The following MAPK15 variants were observed in gnomAD, a reference collection of about 807,000 sequenced individuals.
The protein encoded by MAPK15 is mitogen-activated protein kinase 15.
A neutral mutation model predicts 60.8 loss-of-function variants in MAPK15; 61 were observed. That is an observed-to-expected ratio of 1.00 (90% confidence interval 0.82 to 1.24). The LOEUF is 1.24. Ranked by LOEUF, MAPK15 falls within the 50% of genes most tolerant of loss-of-function variation. The pLI is 0.00. For missense variants in MAPK15, 808 were observed against 741.1 expected, an observed-to-expected ratio of 1.09 and a Z score of -1.05; for synonymous variants, 356 against 319.9, an observed-to-expected ratio of 1.11 and a Z score of -1.21.
rs200370966 is a variant in MAPK15 at position 143,721,846 on chromosome 8, G to A, written c.1424G>A (p.Arg475Gln). The change falls in exon 13 of 14, where the codon CGG becomes CAG. Residue 475 changes from arginine (R) to glutamine (Q), a missense_variant. Coordinates refer to ENST00000338033, the MANE Select transcript of MAPK15 (RefSeq NM_139021.3). ...NQALIRGDWN[R>Q]GGGVRVASVQ... ...GCCCTGATCCGGGGTGACTGGAACC[G>A]GGGCGGTGGGGTGAGGGTGGCCAGC... 226 of 1,605,690 alleles carry A rather than the reference G, an allele frequency of 1.4e-4. No individual in the cohort carries two copies. Among genetic ancestry groups the A allele is most frequent in the South Asian group, 2.4e-4 (22 of 90,108 alleles).
intron 12 of MAPK15, 26 bp downstream of exon 12, chr8:143,721,699 G>A (rs1554619931): frequency 6.2e-7 from 1 of 1,612,030 alleles, no homozygotes; most frequent in African/African-American, 1.3e-5. Flanking sequence ...GCGGGCACAG[G>A]AGGGACCCCT....
rs782627890 is a variant in MAPK15, at chr8:143,722,156, G to A, written c.1540G>A (p.Ala514Thr). ...TGCCTTGCAGGGTGCCCAGGGGGGT[G>A]CCAGGGCTTTGCTTGGAGGCTACTC... ...TSALQGAQGG[A>T]RALLGGYSQA... is the part of the protein sequence containing the mutation. Residue 514 changes from alanine (A) to threonine (T), a missense_variant, in exon 14 of 14, where the codon GCC becomes ACC. Coordinates refer to ENST00000338033, the MANE Select transcript of MAPK15 (RefSeq NM_139021.3). The A allele has an allele frequency of 6.8e-6, 11 of 1,611,248 alleles. No homozygotes were observed. Among genetic ancestry groups the A allele is most frequent in the African/African-American group, 5.3e-5 (4 of 74,896 alleles).
In MAPK15 at chr8:143,721,552, C is replaced by G; in HGVS notation, c.1208C>G (p.Ser403Cys). The change falls in exon 12 of 14, where the codon TCC becomes TGC. Residue 403 changes from serine to cysteine, a missense_variant. Physicochemically the swap from Ser to Cys is moderately radical, Grantham distance 112. Transcript: ENST00000338033. Reference protein sequence around the residue: ...SPGHDPAEHESPRAAKNVPRQ... With the variant: ...SPGHDPAEHECPRAAKNVPRQ... ...GGTTGACCCACTGACCCCACAGAGTCCCCCCGTGCAGCCAAGAACGTTCCC... is the reference window on the plus strand; with the variant it reads ...GGTTGACCCACTGACCCCACAGAGTGCCCCCGTGCAGCCAAGAACGTTCCC... 6.2e-7 allele frequency: 1 copy of G among 1,613,586 alleles called. No individual in the cohort carries two copies. Among genetic ancestry groups the G allele is most frequent in the South Asian group, 1.1e-5 (1 of 91,014 alleles).
At position 143,721,430 on chromosome 8, in the gene MAPK15, C is replaced by A; in HGVS notation, c.1204+19C>A. The A allele has an allele frequency of 6.2e-7, 1 of 1,608,184 alleles. No homozygotes were observed. On this transcript the variant is annotated intron_variant, in intron 11 of 13. Coordinates refer to ENST00000338033, the MANE Select transcript of MAPK15 (RefSeq NM_139021.3). ...GAGCACGGTGTGTGATCTTTGCTGGCCGCCCACGCGGAGCACGGCCCGGGC... is the reference window on the plus strand; with the variant it reads ...GAGCACGGTGTGTGATCTTTGCTGGACGCCCACGCGGAGCACGGCCCGGGC...
chr8:143,718,721 C>A (rs4072747), intron 4 of MAPK15, 54 bp from the exon 5 acceptor site: 1 of 796,266 alleles, frequency 1.3e-6, no homozygotes. Context: ...CCACTCCCCC[C>A]AGGTTGCCCC....
chr8:143,722,414 C>CT lies in MAPK15; in HGVS notation c.*163_*164insT. ...TCGGGGGAGCAGATGAGGGCCCTGC[C>CT]CCCGCCCCACTGACTTCCTCCAATA... On this transcript the variant is annotated 3_prime_UTR_variant, in exon 14 of 14. Transcript: ENST00000338033. 1.8e-6 allele frequency: 1 copy of CT among 565,776 alleles called. No homozygotes were observed. Among genetic ancestry groups the CT allele is most frequent in the Non-Finnish European group, 3.0e-6 (1 of 333,506 alleles). 35.0% of individuals were successfully genotyped at this position (565,776 alleles called of 1,614,324 possible).
At position 143,720,829 on chromosome 8, in the gene MAPK15, C is replaced by T. The variant is rs1554619562; in HGVS notation, c.906C>T (p.Pro302=). 6.2e-7 allele frequency: 1 copy of T among 1,612,774 alleles called. No homozygotes were observed. The highest frequency in any genetic ancestry group is 1.3e-5 in the African/African-American group (1 of 75,014). The change falls in exon 9 of 14, where the codon CCC becomes CCT. Residue 302 remains proline (P), a synonymous_variant. Transcript: ENST00000338033. The surrounding 1 kb of genome is among the most constrained non-coding windows in gnomAD (Gnocchi z 4.6). ...RLSATQALQH[P]YVQRFHCPSD... ...GCGCGACCCAGGCACTGCAGCACCC[C>T]TACGTGCAGAGGTGGGGGTGGGAGA...
In MAPK15 at chr8:143,720,054, C is replaced by T. The variant is rs960264743; in HGVS notation, c.722-176C>T. 7.7e-5 allele frequency: 68 copies of T among 881,942 alleles called. No individual in the cohort carries two copies. Among genetic ancestry groups the T allele is most frequent in the Middle Eastern group, 6.9e-4 (2 of 2,902 alleles). The allele number at this position is 881,942 out of a possible 1,614,324, so 54.6% of individuals were successfully genotyped here. ...AGCAGGGGTCATGTGCGGGTGCTCC[C>T]GTGCACAGGCTGGGTGGCACGCCCT... On this transcript the variant is annotated intron_variant, in intron 7 of 13. Coordinates refer to ENST00000338033, the MANE Select transcript of MAPK15 (RefSeq NM_139021.3). The surrounding 1 kb of genome is among the most constrained non-coding windows in gnomAD (Gnocchi z 4.6).
rs782281793 is a variant in MAPK15, at chr8:143,719,072, C to A, written c.497C>A (p.Pro166His). ...CTGGCCCGCTCCCTGGGCGACCTCC[C>A]CGAGGGGCCTGAGGACCAGGCCGTG... ...FGLARSLGDL[P>H]EGPEDQAVTE... is the part of the protein sequence containing the mutation. Residue 166 changes from proline (P) to histidine (H), a missense_variant, in exon 6 of 14, where the codon CCC (proline) becomes CAC (histidine). Transcript: ENST00000338033. The A allele has an allele frequency of 1.3e-6, 2 of 1,579,418 alleles. No homozygotes were observed. The highest frequency in any genetic ancestry group is 2.3e-5 in the South Asian group (2 of 86,938).
intron 3 of MAPK15, 51 bp from the exon 4 acceptor site, chr8:143,718,161 C>CCAGA (rs1817884802): frequency 6.2e-7 from 1 of 1,612,736 alleles, no homozygotes; most frequent in Non-Finnish European, 8.5e-7. Context: ...TTCTTGGGCC[C>CCAGA]CAGAGCACAG....
chr8:143,721,941 CT>C, intron 13 of MAPK15, 61 bp downstream of exon 13: 2 of 1,521,196 alleles, frequency 1.3e-6, no homozygotes, highest in Middle Eastern at 1.8e-4. Flanking sequence ...CCCTTCCCCC[CT>C]GCTTTTCCCT....
rs1554619802 is a variant in MAPK15, at chr8:143,721,377, C to A, written c.1170C>A (p.Pro390=). 7 of 1,612,606 alleles carry A rather than the reference C, an allele frequency of 4.3e-6. No individual in the cohort carries two copies. Among genetic ancestry groups the A allele is most frequent in the Admixed American group, 1.7e-5 (1 of 59,894 alleles). The change falls in exon 11 of 14, where the codon CCC becomes CCA. Residue 390 remains proline, a synonymous_variant. Coordinates refer to ENST00000338033, the MANE Select transcript of MAPK15 (RefSeq NM_139021.3). ...CTGTGCAGGGTCCCAGACCCAGGCC[C>A]CAGAGCAGCCCAGGCCATGACCCTG... is the stretch of plus-strand genomic sequence containing the variant. The part of the protein sequence containing the change: ...RTPVQGPRPR[P]QSSPGHDPAE...
rs917024298 is a variant in MAPK15, at chr8:143,720,920, C to T, written c.917+80C>T. 1.3e-6 allele frequency: 2 copies of T among 1,578,776 alleles called. No individual in the cohort carries two copies. Among genetic ancestry groups the T allele is most frequent in the African/African-American group, 1.3e-5 (1 of 74,214 alleles). ...AGAGCCAGCCCATGAGGGACAGCCCCCACAGCAGGGACCCTGCTGTGACGG... is the reference window on the plus strand; with the variant it reads ...AGAGCCAGCCCATGAGGGACAGCCCTCACAGCAGGGACCCTGCTGTGACGG... On this transcript the variant is annotated intron_variant, in intron 9 of 13. Coordinates refer to ENST00000338033, the MANE Select transcript of MAPK15 (RefSeq NM_139021.3). This position sits in a 1 kb window ranked among gnomAD's most constrained non-coding sequence, Gnocchi z 4.6.
At chr8:143,717,454 G>A (rs957340156) in intron 1 of MAPK15, among the ~76,000 whole-genome samples, 13 of 152,116 alleles carry the variant, frequency 8.5e-5, no homozygotes, top group African/African-American at 3.1e-4. Context: ...CTGCCCAGAC[G>A]CTCCCCTCTG....
In MAPK15 at chr8:143,719,156, G is replaced by T. The variant is rs371133489; in HGVS notation, c.581G>T (p.Arg194Leu). ...CCGGAGGTGCTGCTCTCTTCGCACC[G>T]GTAATAGCGAGACATCCCCAACCCC... Reference protein sequence around the residue: ...RAPEVLLSSHRYTLGVDMWSL... With the variant: ...RAPEVLLSSHLYTLGVDMWSL... Residue 194 changes from arginine (R) to leucine (L), a missense_variant and splice_region_variant, in exon 6 of 14, where the codon CGA becomes CTA. By Grantham distance (102) the Arg-to-Leu change is moderately radical. Coordinates refer to ENST00000338033, the MANE Select transcript of MAPK15 (RefSeq NM_139021.3). The T allele has an allele frequency of 2.0e-6, 3 of 1,530,240 alleles. No individual in the cohort carries two copies. The highest frequency in any genetic ancestry group is 2.6e-6 in the Non-Finnish European group (3 of 1,137,874). 94.8% of individuals were successfully genotyped at this position (1,530,240 alleles called of 1,614,324 possible).
In MAPK15 at chr8:143,721,532, A is replaced by G; in HGVS notation, c.1205-17A>G. The G allele has an allele frequency of 6.2e-7, 1 of 1,613,592 alleles. No homozygotes were observed. The highest frequency in any genetic ancestry group is 8.5e-7 in the Non-Finnish European group (1 of 1,179,788). ...GGTTGACCCACTGACCCCGGGGTTG[A>G]CCCACTGACCCCACAGAGTCCCCCC... On this transcript the variant is annotated splice_polypyrimidine_tract_variant and intron_variant, in intron 11 of 13. Transcript: ENST00000338033.
Position 143,722,376 on chromosome 8 carries a change from T to C in MAPK15, c.*125T>C. 1 of 848,986 alleles carries C rather than the reference T, an allele frequency of 1.2e-6. No homozygotes were observed. 52.6% of individuals were successfully genotyped at this position (848,986 alleles called of 1,614,324 possible). A position where few individuals can be genotyped will look rare whatever the true frequency, so the allele number is the denominator to read the frequency against. ...TGGCCCGTTGAAGTTCCAGGGAGCT[T>C]GCCCGGGTCTCCTCGGGGGAGCAGA... On this transcript the variant is annotated 3_prime_UTR_variant, in exon 14 of 14. Coordinates refer to ENST00000338033, the MANE Select transcript of MAPK15 (RefSeq NM_139021.3).
chr8:143,718,878 G>A lies in MAPK15; in HGVS notation c.390G>A (p.Ser130=), dbSNP rs1018333350. Residue 130 remains serine (S), a synonymous_variant, in exon 5 of 14, where the codon TCG becomes TCA. Transcript: ENST00000338033. ...TGCGGGCCACCCGGTTCCTCCACTC[G>A]GGGCACGTTGTGCACCGGGACCAGA... The part of the protein sequence containing the change: ...QLLRATRFLH[S]GHVVHRDQKP... The A allele has an allele frequency of 7.5e-6, 12 of 1,610,148 alleles. No homozygotes were observed. The East Asian group carries it at 8.9e-5, about 12-fold the overall frequency.
chr8:143,719,194 C>G (rs782799766), intron 6 of MAPK15, 38 bp downstream of exon 6: 2 of 1,504,844 alleles, frequency 1.3e-6, no homozygotes, highest in Non-Finnish European at 8.9e-7. Flanking sequence ...CTCCACCTCC[C>G]TGCTGCCCTC....
Sources: allele counts gnomAD v4.1 joint callset (sites outside exome capture counted in the v4.1 genomes callset), GRCh38; gene constraint gnomAD v4.1.1; non-coding constraint Gnocchi (gnomAD v3.1); transcripts MANE v1.5; gene names NCBI Gene and HGNC (gene_info 2026-07-23, HGNC 2026-07-21).